The following SNX25 variants were observed in gnomAD, a reference collection of about 807,000 sequenced individuals.
SNX25 encodes the protein sorting nexin 25, also known as sorting nexin-25.
Under a neutral mutation model 113.7 loss-of-function variants are expected in SNX25, and 62 were observed. The observed-to-expected ratio is 0.55, with a 90% CI of 0.44 to 0.67. SNX25 has a LOEUF of 0.67. Among genes scored for constraint, SNX25 ranks in the 30% least tolerant of loss-of-function variants. The probability of loss-of-function intolerance (pLI) is 0.00; values close to 1 mark genes in which losing one functional copy is unlikely to be tolerated. For synonymous variants in SNX25, 421 were observed against 436.2 expected, an observed-to-expected ratio of 0.97 and a Z score of 0.43; for missense variants, 1,014 against 1,161.0, an observed-to-expected ratio of 0.87 and a Z score of 1.84.
intron 1 of SNX25, among the ~76,000 whole-genome samples, chr4:185,219,802 A>G (rs1239061377): frequency 6.6e-6 from 1 of 152,044 alleles, no homozygotes; most frequent in Non-Finnish European, 1.5e-5. Flanking sequence ...TCATAAAAAT[A>G]TATACCCGAG....
chr4:185,317,867 A>T (rs1465301703), intron 7 of SNX25, among the ~76,000 whole-genome samples: 2 of 152,154 alleles, frequency 1.3e-5, no homozygotes, highest in Non-Finnish European at 2.9e-5. Context: ...ACGGGTAGAT[A>T]AGTGCAGCAA....
rs895906681 is a variant in SNX25, at chr4:185,323,764, A to G, written c.1713A>G (p.Lys571=). The change falls in exon 9 of 19, where the codon AAA becomes AAG. Residue 571 remains lysine, a synonymous_variant. Coordinates refer to ENST00000652585, the MANE Select transcript of SNX25 (RefSeq NM_001378034.2). ...YEKLLIKEEE[K]HASQMISNKD... ...AATTGTTGATAAAAGAGGAAGAAAA[A>G]CATGCCTCACAGATGATTTCCAACA... 2 of 1,613,432 alleles carry G rather than the reference A, an allele frequency of 1.2e-6. No homozygotes were observed. The highest frequency in any genetic ancestry group is 2.7e-5 in the African/African-American group (2 of 74,908).
intron 7 of SNX25, among the ~76,000 whole-genome samples, chr4:185,319,806 G>T (rs146192387): frequency 3.1e-4 from 47 of 152,234 alleles, no homozygotes; most frequent in African/African-American, 1.1e-3. Flanking sequence ...TTAAAATGTA[G>T]TAAGAGGTAT....
chr4:185,323,765 C>T lies in SNX25; in HGVS notation c.1714C>T (p.His572Tyr). 1 of 1,613,454 alleles carries T rather than the reference C, an allele frequency of 6.2e-7. No homozygotes were observed. The highest frequency in any genetic ancestry group is 1.1e-5 in the South Asian group (1 of 90,952). Residue 572 changes from histidine to tyrosine, a missense_variant, in exon 9 of 19, where the codon CAT becomes TAT. Transcript: ENST00000652585. ...ATTGTTGATAAAAGAGGAAGAAAAA[C>T]ATGCCTCACAGATGATTTCCAACAA... ...EKLLIKEEEK[H>Y]ASQMISNKDE...
chr4:185,265,406 A>G (rs1026881153), intron 4 of SNX25, among the ~76,000 whole-genome samples: 3 of 152,228 alleles, frequency 2.0e-5, no homozygotes, highest in Non-Finnish European at 4.4e-5. Flanking sequence ...TAGTAACACA[A>G]TGATATTTGT....
At chr4:185,373,149 G>T (rs536631204), downstream of SNX25, 311 of 1,374,424 alleles carry the variant, frequency 2.3e-4, 1 homozygote, top group Non-Finnish European at 2.8e-4. Flanking sequence ...ATACTAGACA[G>T]AAAAGAACTC....
At chr4:185,242,246 T>G (rs948988429) in intron 1 of SNX25, among the ~76,000 whole-genome samples, 2 of 151,926 alleles carry the variant, frequency 1.3e-5, no homozygotes, top group African/African-American at 2.4e-5. Context: ...ATGTGTGGGG[T>G]TTTTTTCCCC....
chr4:185,251,236 C>G (rs1648214635), intron 2 of SNX25, among the ~76,000 whole-genome samples: 1 of 152,146 alleles, frequency 6.6e-6, no homozygotes, highest in Non-Finnish European at 1.5e-5. Flanking sequence ...CTCAAGTGAT[C>G]CGCTTGCCTC....
chr4:185,340,900 A>T (rs1362053766), intron 11 of SNX25, among the ~76,000 whole-genome samples: 1 of 152,092 alleles, frequency 6.6e-6, no homozygotes, highest in African/African-American at 2.4e-5. Context: ...GGTGCGGAGG[A>T]TGCATTTTCA....
chr4:185,261,358 G>A lies in SNX25; in HGVS notation c.731+2294G>A, dbSNP rs940274389. Among the ~76,000 whole-genome samples the A allele has an allele frequency of 3.3e-5, 5 of 152,118 alleles. No individual in the cohort carries two copies. In the South Asian group the frequency reaches 1.0e-3, roughly 32 times the overall value. On this transcript the variant is annotated intron_variant, in intron 3 of 18. Coordinates refer to ENST00000652585, the MANE Select transcript of SNX25 (RefSeq NM_001378034.2). ...CACCCAGCTACATTTTGTATTTTTA[G>A]TAGAGATGGGGTTTCACCATGTTGG...
chr4:185,259,219 A>G (rs1215057260), intron 3 of SNX25, among the ~76,000 whole-genome samples, 155 bp downstream of exon 3: 1 of 152,052 alleles, frequency 6.6e-6, no homozygotes, highest in African/African-American at 2.4e-5. Context: ...ATGTTCTGGT[A>G]GAGTATTTTT....
chr4:185,231,334 C>G (rs544671176), intron 1 of SNX25, among the ~76,000 whole-genome samples: 3 of 151,426 alleles, frequency 2.0e-5, no homozygotes, highest in Non-Finnish European at 4.4e-5. Flanking sequence ...CTCCTGACAT[C>G]GTGATCCACC....
chr4:185,238,062 CAAAAAA>C (rs10635995), intron 1 of SNX25, among the ~76,000 whole-genome samples: 3 of 87,942 alleles, frequency 3.4e-5, no homozygotes, highest in Non-Finnish European at 4.4e-5. Context: ...GACTCCATCT[CAAAAAA>C]AAAAAAAAAA....
At chr4:185,212,491 G>GTGTTTCTGTTTTTTT (rs546083196) in intron 1 of SNX25, among the ~76,000 whole-genome samples, 1 of 104,940 alleles carries the variant, frequency 9.5e-6, no homozygotes, top group African/African-American at 3.7e-5. Flanking sequence ...GTGTGTGTGT[G>GTGTTTCTGTTTTTTT]TTTTTTTTTT....
At chr4:185,348,994 A>G (rs1177159357) in intron 13 of SNX25, among the ~76,000 whole-genome samples, 1 of 152,058 alleles carries the variant, frequency 6.6e-6, no homozygotes, top group African/African-American at 2.4e-5. Flanking sequence ...CACTCAACTT[A>G]TGTCCTCCAG....
Position 185,288,102 on chromosome 4 carries a change from C to G in SNX25, c.1162+20C>G, listed in dbSNP as rs191075229. The G allele has an allele frequency of 1.1e-4, 177 of 1,605,966 alleles. No homozygotes were observed. In the Admixed American group the frequency reaches 2.0e-3, roughly 18 times the overall value. On this transcript the variant is annotated intron_variant, in intron 6 of 18. Transcript: ENST00000652585. ...ACAAAGGTAAGAGCCAGGTTGTTTT[C>G]TTCAGTTCCACATCTGAAAGGTCAG...
intron 6 of SNX25, among the ~76,000 whole-genome samples, chr4:185,295,370 A>G (rs1752697368): frequency 6.6e-6 from 1 of 152,156 alleles, no homozygotes; most frequent in Non-Finnish European, 1.5e-5. Context: ...AGAGATAGGA[A>G]CTGTATTTGT....
chr4:185,283,318 A>G (rs1024032828), intron 5 of SNX25, among the ~76,000 whole-genome samples: 2 of 152,352 alleles, frequency 1.3e-5, no homozygotes, highest in East Asian at 3.9e-4. Flanking sequence ...AAAGCTTCAG[A>G]GAGGAATGGC....
At chr4:185,258,627 T>G (rs1746789515) in intron 2 of SNX25, among the ~76,000 whole-genome samples, 1 of 152,210 alleles carries the variant, frequency 6.6e-6, no homozygotes, top group African/African-American at 2.4e-5. Flanking sequence ...AATAGGGCTC[T>G]GTAGGAAAAT....
Sources: gnomAD v4.1 joint callset for allele counts (sites outside exome capture counted in the v4.1 genomes callset) on GRCh38, gnomAD v4.1.1 for gene constraint, MANE v1.5 for transcripts, NCBI Gene and HGNC (gene_info 2026-07-23, HGNC 2026-07-21) for gene names.